Variants in CETP observed in about 807,000 individuals in gnomAD.
CETP encodes cholesteryl ester transfer protein, also known as BPI fold containing family F.
Under a neutral mutation model 66.5 loss-of-function variants are expected in CETP, and 56 were observed. The observed-to-expected ratio is 0.84, with a 90% CI of 0.68 to 1.05. CETP has a LOEUF of 1.05. Among genes scored for constraint, CETP ranks in the 50% least tolerant of loss-of-function variants. CETP has a pLI of 0.00. For missense variants in CETP, 612 were observed against 609.6 expected (o/e 1.00, Z -0.04); for synonymous variants, 251 against 245.7 (o/e 1.02, Z -0.20).
chr16:56,965,636 T>C (rs1237039936), intron 2 of CETP, among the ~76,000 whole-genome samples: 2 of 152,154 alleles, frequency 1.3e-5, no homozygotes, highest in Admixed American at 6.5e-5. Flanking sequence ...AGGAAATGTG[T>C]ATAAACTCTA....
intron 10 of CETP, among the ~76,000 whole-genome samples, chr16:56,976,486 T>G (rs1429882395): frequency 6.6e-6 from 1 of 152,004 alleles, no homozygotes; most frequent in East Asian, 1.9e-4. Flanking sequence ...TTTTTTTTTT[T>G]TTTAAGACAG....
At chr16:56,978,310 C>A (rs28381709) in intron 11 of CETP, 55 bp downstream of exon 11, 135 of 1,608,892 alleles carry the variant, frequency 8.4e-5, no homozygotes, top group Non-Finnish European at 1.1e-4. Context: ...ACATATGGGC[C>A]GCAGAGGGCA....
intron 1 of CETP, chr16:56,962,322 A>G: frequency 1.4e-6 from 1 of 733,146 alleles, no homozygotes. Flanking sequence ...CTGCATTGCA[A>G]ACAGCCAGGT....
intron 10 of CETP, 96 bp from the exon 11 acceptor site, chr16:56,977,995 C>G: frequency 2.7e-6 from 4 of 1,495,780 alleles, no homozygotes; most frequent in Non-Finnish European, 3.6e-6. Flanking sequence ...AGCCCTGGGG[C>G]CCGGAGCCAG....
At chr16:56,981,770 G>A (rs1156568280) in intron 13 of CETP, 90 bp downstream of exon 13, 2 of 1,301,120 alleles carry the variant, frequency 1.5e-6, no homozygotes, top group Non-Finnish European at 2.2e-6. Flanking sequence ...AGGAAATCAG[G>A]CAACCAGACC....
chr16:56,970,191 T>G (rs1422077778), intron 5 of CETP, among the ~76,000 whole-genome samples, 190 bp downstream of exon 5: 1 of 152,166 alleles, frequency 6.6e-6, no homozygotes, highest in Non-Finnish European at 1.5e-5. Flanking sequence ...GAAACAACAA[T>G]AACCAACAGC....
chr16:56,972,082 A>G lies in CETP; in HGVS notation c.749A>G (p.Lys250Arg). ...ITASYLESHH[K>R]GHFIYKNVSE... ...GCCTCCTACCTGGAGTCCCATCACA[A>G]GGTAGGAGTTGTGGGAGGGTGGGGC... The change falls in exon 8 of 16, where the codon AAG (lysine) becomes AGG (arginine). Residue 250 changes from lysine to arginine, a missense_variant and splice_region_variant. Physicochemically the swap from Lys to Arg is conservative, Grantham distance 26. Transcript: ENST00000200676. The G allele has an allele frequency of 6.2e-7, 1 of 1,612,608 alleles. No individual in the cohort carries two copies.
At chr16:56,978,311 G>T in intron 11 of CETP, 56 bp downstream of exon 11, 1 of 1,606,054 alleles carries the variant, frequency 6.2e-7, no homozygotes, top group Non-Finnish European at 8.5e-7. Flanking sequence ...CATATGGGCC[G>T]CAGAGGGCAG....
At chr16:56,971,251 C>G (rs34523084) in intron 6 of CETP, 70 bp from the exon 7 acceptor site, 2 of 1,564,426 alleles carry the variant, frequency 1.3e-6, no homozygotes, top group Non-Finnish European at 1.8e-6. Context: ...GCCACCACCA[C>G]GCAGCTGGAA....
intron 11 of CETP, among the ~76,000 whole-genome samples, chr16:56,980,793 A>G (rs1374338531): frequency 6.6e-6 from 1 of 152,164 alleles, no homozygotes; most frequent in Non-Finnish European, 1.5e-5. Flanking sequence ...ATGGTGGCAC[A>G]TGCCTGTAGT....
chr16:56,966,571 T>G (rs918326494), intron 2 of CETP, among the ~76,000 whole-genome samples: 4 of 152,012 alleles, frequency 2.6e-5, no homozygotes, highest in African/African-American at 7.2e-5. Flanking sequence ...GGCTGGGTTT[T>G]TTTGTTTGTT....
chr16:56,972,013 A>T lies in CETP; in HGVS notation c.680A>T (p.Asp227Val). Residue 227 changes from aspartate (D) to valine (V), a missense_variant, in exon 8 of 16, where the codon GAC (aspartate) becomes GTC (valine). Transcript: ENST00000200676. ...TRAASILSDG[D>V]IGVDISLTGD... Reference sequence around the variant, plus strand: ...GCAGCCAGCATCCTTTCAGATGGAGACATTGGGGTGGACATTTCCCTGACA... The same window carrying T: ...GCAGCCAGCATCCTTTCAGATGGAGTCATTGGGGTGGACATTTCCCTGACA... 6.2e-7 allele frequency: 1 copy of T among 1,613,886 alleles called. No individual in the cohort carries two copies. Among genetic ancestry groups the T allele is most frequent in the Non-Finnish European group, 8.5e-7 (1 of 1,179,930 alleles).
chr16:56,981,517 A>G, intron 12 of CETP, 130 bp from the exon 13 acceptor site: 1 of 1,151,270 alleles, frequency 8.7e-7, no homozygotes, highest in Non-Finnish European at 1.3e-6. Flanking sequence ...GCAAATCTCA[A>G]GAGAGTGCCC....
intron 9 of CETP, among the ~76,000 whole-genome samples, 159 bp from the exon 10 acceptor site, chr16:56,974,942 C>T (rs2056138938): frequency 6.6e-6 from 1 of 152,154 alleles, no homozygotes; most frequent in African/African-American, 2.4e-5. Context: ...GTTCCCTGTT[C>T]CACACCCTGC....
intron 7 of CETP, 79 bp from the exon 8 acceptor site, chr16:56,971,913 G>A: frequency 8.1e-7 from 1 of 1,229,602 alleles, no homozygotes; most frequent in Non-Finnish European, 1.2e-6. Flanking sequence ...GGGTTGGGTA[G>A]CTGTGTGGAT....
Position 56,972,069 on chromosome 16 carries a change from G to A in CETP, c.736G>A (p.Glu246Lys). ...GDPVITASYL[E>K]SHHKGHFIYK... ...TCCCGTCATCACAGCCTCCTACCTG[G>A]AGTCCCATCACAAGGTAGGAGTTGT... The change falls in exon 8 of 16, where the codon GAG becomes AAG. Residue 246 changes from glutamate to lysine, a missense_variant. Transcript: ENST00000200676. 2 of 1,613,928 alleles carry A rather than the reference G, an allele frequency of 1.2e-6. No individual in the cohort carries two copies. Among genetic ancestry groups the A allele is most frequent in the Admixed American group, 1.7e-5 (1 of 60,024 alleles).
rs750662640 is a variant in CETP at position 56,973,407 on chromosome 16, G to T, written c.827G>T (p.Arg276Leu). 1 of 1,614,148 alleles carries T rather than the reference G, an allele frequency of 6.2e-7. No homozygotes were observed. The highest frequency in any genetic ancestry group is 8.5e-7 in the Non-Finnish European group (1 of 1,180,014). Residue 276 changes from arginine to leucine, a missense_variant, in exon 9 of 16, where the codon CGC becomes CTC. Physicochemically the swap from Arg to Leu is moderately radical, Grantham distance 102. Transcript: ENST00000200676. ...TCGCCCACACTGCTGGGGGACTCCCGCATGCTGTACTTCTGGTTCTCTGAG... is the reference window on the plus strand; with the variant it reads ...TCGCCCACACTGCTGGGGGACTCCCTCATGCTGTACTTCTGGTTCTCTGAG... ...TFSPTLLGDS[R>L]MLYFWFSERV... is the part of the protein sequence containing the mutation.
intron 10 of CETP, among the ~76,000 whole-genome samples, chr16:56,976,263 T>C (rs2056149380): frequency 6.6e-6 from 1 of 152,142 alleles, no homozygotes; most frequent in Admixed American, 6.5e-5. Context: ...GCCAGAACAA[T>C]CTTTTCAAGA....
At position 56,969,408 on chromosome 16, in the gene CETP, A is replaced by T; in HGVS notation, c.256A>T (p.Ile86Phe). 1 of 1,614,118 alleles carries T rather than the reference A, an allele frequency of 6.2e-7. No individual in the cohort carries two copies. Among genetic ancestry groups the T allele is most frequent in the Non-Finnish European group, 8.5e-7 (1 of 1,180,028 alleles). ...LHNIQISHLS[I>F]ASSQVELVEA... ...CAGCATCCAGATCAGCCACTTGTCC[A>T]TCGCCAGCAGCCAGGTGGAGCTGGT... Residue 86 changes from isoleucine to phenylalanine, a missense_variant, in exon 3 of 16, where the codon ATC becomes TTC. Ile to Phe is a conservative substitution (Grantham distance 21). Coordinates refer to ENST00000200676, the MANE Select transcript of CETP (RefSeq NM_000078.3).
Sources: gnomAD v4.1 joint callset for allele counts (sites outside exome capture counted in the v4.1 genomes callset) on GRCh38, gnomAD v4.1.1 for gene constraint, MANE v1.5 for transcripts, NCBI Gene and HGNC (gene_info 2026-07-23, HGNC 2026-07-21) for gene names.